Variants in WWOX observed in about 807,000 individuals in gnomAD.
The protein encoded by WWOX is WW domain containing oxidoreductase.
In WWOX, 69 loss-of-function variants were observed where a neutral mutation model predicts 46.2. That is an observed-to-expected ratio of 1.49 (90% CI 1.23 to 1.82). WWOX has a LOEUF of 1.82. WWOX is among the 40% of genes most tolerant of loss of function. The probability of loss-of-function intolerance (pLI) is 0.00; values close to 1 mark genes in which losing one functional copy is unlikely to be tolerated. For synonymous variants in WWOX, 359 were observed against 202.6 expected (o/e 1.77, Z -6.56); for missense variants, 919 against 542.6 (o/e 1.69, Z -6.89).
intron 8 of WWOX, among the ~76,000 whole-genome samples, chr16:78,910,637 G>C (rs2045085808): frequency 6.6e-6 from 1 of 151,914 alleles, no homozygotes; most frequent in Non-Finnish European, 1.5e-5. Context: ...TGGCGGTGGA[G>C]GTGTCACCAT....
chr16:79,114,251 G>T (rs753080539), intron 8 of WWOX, among the ~76,000 whole-genome samples: 2 of 152,030 alleles, frequency 1.3e-5, no homozygotes, highest in African/African-American at 2.4e-5. Flanking sequence ...TCATTTGGAA[G>T]TAGGGTCTTT....
rs115611530 is a variant in WWOX, at chr16:79,102,224, A to G, written c.1057-109384A>G. 5.6e-3 allele frequency among the ~76,000 whole-genome samples: 855 copies of G among 152,288 alleles called. 10 individuals are homozygous for G. The highest frequency in any genetic ancestry group is 0.02 in the African/African-American group (817 of 41,556). On this transcript the variant is annotated intron_variant, in intron 8 of 8. Coordinates refer to ENST00000566780, the MANE Select transcript of WWOX (RefSeq NM_016373.4). The stretch of plus-strand genomic sequence containing the variant: ...TCTTTCTGAAAGATAACTTGCCTAT[A>G]AACATAAAATTAAAAGCTTGCTGTC...
At chr16:79,188,904 T>TC (rs2051072748) in intron 8 of WWOX, among the ~76,000 whole-genome samples, 1 of 152,250 alleles carries the variant, frequency 6.6e-6, no homozygotes, top group Non-Finnish European at 1.5e-5. Flanking sequence ...GCAGCTGAGC[T>TC]AACATGCACC....
intron 8 of WWOX, among the ~76,000 whole-genome samples, chr16:78,669,683 T>C (rs2047415377): frequency 1.3e-5 from 2 of 152,224 alleles, no homozygotes; most frequent in Admixed American, 1.3e-4. Context: ...ATTATAATTT[T>C]TGTTTGAGCT....
At chr16:79,174,848 A>T (rs1195858027) in intron 8 of WWOX, among the ~76,000 whole-genome samples, 1 of 152,256 alleles carries the variant, frequency 6.6e-6, no homozygotes, top group Non-Finnish European at 1.5e-5. Flanking sequence ...TGATGAATAA[A>T]GTAGCTTCAC....
intron 8 of WWOX, among the ~76,000 whole-genome samples, chr16:79,209,725 G>A (rs1382530292): frequency 6.6e-6 from 1 of 152,184 alleles, no homozygotes; most frequent in Non-Finnish European, 1.5e-5. Context: ...AGCTGGATGA[G>A]CATCTCAATT....
intron 5 of WWOX, among the ~76,000 whole-genome samples, chr16:78,219,687 C>T (rs143038089): frequency 3.3e-5 from 5 of 152,136 alleles, no homozygotes. Flanking sequence ...ATTTGGCAAC[C>T]AGGCAGATAA....
chr16:78,324,736 G>C (rs183652284), intron 5 of WWOX, among the ~76,000 whole-genome samples: 1 of 119,082 alleles, frequency 8.4e-6, no homozygotes, highest in Non-Finnish European at 1.6e-5. Context: ...CCAGAACAGA[G>C]AAATTTAGAG....
chr16:78,241,647 C>G (rs1162444796), intron 5 of WWOX, among the ~76,000 whole-genome samples: 1 of 152,078 alleles, frequency 6.6e-6, no homozygotes, highest in Non-Finnish European at 1.5e-5. Context: ...AGCATGTTGT[C>G]CAGGCTGGTC....
chr16:78,113,528 C>T (rs2032611950), intron 3 of WWOX, among the ~76,000 whole-genome samples: 1 of 152,126 alleles, frequency 6.6e-6, no homozygotes, highest in South Asian at 2.1e-4. Flanking sequence ...GAGGAGTAAG[C>T]AAGGGCTTTG....
chr16:78,656,335 A>G (rs553128466), intron 8 of WWOX, among the ~76,000 whole-genome samples: 1 of 152,212 alleles, frequency 6.6e-6, no homozygotes, highest in African/African-American at 2.4e-5. Context: ...TGGTGCCTGT[A>G]TTAGTCTGTT....
chr16:78,788,947 T>C (rs1016513093), intron 8 of WWOX, among the ~76,000 whole-genome samples: 1 of 152,200 alleles, frequency 6.6e-6, no homozygotes, highest in African/African-American at 2.4e-5. Flanking sequence ...AAAAGTTGTT[T>C]ATATATTTTG....
At chr16:78,817,973 T>C (rs186331724) in intron 8 of WWOX, among the ~76,000 whole-genome samples, 1 of 152,202 alleles carries the variant, frequency 6.6e-6, no homozygotes, top group East Asian at 1.9e-4. Context: ...TTAACACCTA[T>C]GGAAGGGAAG....
chr16:79,207,104 C>T (rs148767138), intron 8 of WWOX, among the ~76,000 whole-genome samples: 9 of 152,272 alleles, frequency 5.9e-5, no homozygotes, highest in East Asian at 3.9e-4. Context: ...AAAGACAGGG[C>T]GTGTAGACGG....
chr16:79,002,337 C>T (rs1201156494), intron 8 of WWOX, among the ~76,000 whole-genome samples: 1 of 149,712 alleles, frequency 6.7e-6, no homozygotes, highest in African/African-American at 2.5e-5. Context: ...GATTCTCCTG[C>T]CTCAGCCTCC....
rs529067951 is a variant in WWOX at position 78,504,158 on chromosome 16, T to C, written c.1056+71406T>C. On this transcript the variant is annotated intron_variant, in intron 8 of 8. Coordinates refer to ENST00000566780, the MANE Select transcript of WWOX (RefSeq NM_016373.4). ...CTAGAAACTACAAAACTAGGCATGGTTAATAAATAACTGAAATACCAGGTG... is the reference window on the plus strand; with the variant it reads ...CTAGAAACTACAAAACTAGGCATGGCTAATAAATAACTGAAATACCAGGTG... Among the ~76,000 whole-genome samples, 95 of 152,290 alleles carry C rather than the reference T, an allele frequency of 6.2e-4. 2 individuals are homozygous for C. Among genetic ancestry groups the C allele is most frequent in the Middle Eastern group, 3.4e-3 (1 of 294 alleles).
At chr16:78,511,747 A>G (rs2085366712) in intron 8 of WWOX, among the ~76,000 whole-genome samples, 1 of 152,176 alleles carries the variant, frequency 6.6e-6, no homozygotes, top group South Asian at 2.1e-4. Context: ...TTGATGGCAA[A>G]TTGATTTCAG....
At chr16:78,978,471 C>T (rs970945131) in intron 8 of WWOX, among the ~76,000 whole-genome samples, 1 of 152,176 alleles carries the variant, frequency 6.6e-6, no homozygotes, top group Non-Finnish European at 1.5e-5. Flanking sequence ...GCAGGGGTTC[C>T]AGTTTCTCAC....
rs1336769068 is a variant in WWOX, at chr16:78,597,659, T to C, written c.1056+164907T>C. 4.6e-5 allele frequency among the ~76,000 whole-genome samples: 7 copies of C among 152,200 alleles called. No individual in the cohort carries two copies. In the East Asian group the frequency reaches 1.4e-3, roughly 29 times the overall value. On this transcript the variant is annotated intron_variant, in intron 8 of 8. Transcript: ENST00000566780. ...GTTCATCTCTCTTGCTTTTATGCTTTCCAAACCCCTAAATTGTGGTGCCTC... is the reference window on the plus strand; with the variant it reads ...GTTCATCTCTCTTGCTTTTATGCTTCCCAAACCCCTAAATTGTGGTGCCTC...
Sources: allele counts gnomAD v4.1 joint callset (sites outside exome capture counted in the v4.1 genomes callset), GRCh38; gene constraint gnomAD v4.1.1; transcripts MANE v1.5; gene names NCBI Gene and HGNC (gene_info 2026-07-23, HGNC 2026-07-21).